The following IBSP variants were observed in gnomAD, a reference collection of about 807,000 sequenced individuals.
IBSP encodes the protein integrin binding sialoprotein, also known as integrin-binding sialoprotein.
In IBSP, 19 loss-of-function variants were observed where a neutral mutation model predicts 25.5. That is an observed-to-expected ratio of 0.74 (90% CI 0.52 to 1.09). The LOEUF is 1.09. Among genes scored for constraint, IBSP ranks in the 50% least tolerant of loss-of-function variants. The pLI is 0.00. For missense variants in IBSP, 360 were observed against 382.3 expected, an observed-to-expected ratio of 0.94 and a Z score of 0.49; for synonymous variants, 144 against 137.6, an observed-to-expected ratio of 1.05 and a Z score of -0.33.
At position 87,811,563 on chromosome 4, in the gene IBSP, G is replaced by A; in HGVS notation, c.607G>A (p.Glu203Lys). The A allele has an allele frequency of 6.2e-7, 1 of 1,613,392 alleles. No individual in the cohort carries two copies. Among genetic ancestry groups the A allele is most frequent in the Non-Finnish European group, 8.5e-7 (1 of 1,179,606 alleles). The change falls in exon 7 of 7, where the codon GAA becomes AAA. Residue 203 changes from glutamate (E) to lysine (K), a missense_variant. Transcript: ENST00000226284. The part of the protein sequence containing the change: ...SGGDNGEEGE[E>K]ESVTGANAED... ...AGGAGACAATGGAGAAGAAGGGGAA[G>A]AAGAAAGTGTCACTGGAGCCAATGC... is the stretch of plus-strand genomic sequence containing the variant.
intron 5 of IBSP, among the ~76,000 whole-genome samples, chr4:87,808,646 C>A (rs1722125982): frequency 6.6e-6 from 1 of 152,102 alleles, no homozygotes; most frequent in Non-Finnish European, 1.5e-5. Flanking sequence ...CAAAGGCAAG[C>A]AGTATTTTGA....
At chr4:87,802,187 G>A (rs892706797) in intron 1 of IBSP, among the ~76,000 whole-genome samples, 161 bp from the exon 2 acceptor site, 1 of 151,998 alleles carries the variant, frequency 6.6e-6, no homozygotes, top group African/African-American at 2.4e-5. Context: ...TTAAATGGAA[G>A]GAATAATTTG....
chr4:87,810,612 TCAAATG>T lies in IBSP; in HGVS notation c.254_259del (p.Ser85_Glu87delinsTer), dbSNP rs774935757. 2 of 1,610,218 alleles carry T rather than the reference TCAAATG, an allele frequency of 1.2e-6. No individual in the cohort carries two copies. Among genetic ancestry groups the T allele is most frequent in the Non-Finnish European group, 1.7e-6 (2 of 1,176,790 alleles). ...CTATGAATATTTTTAACAGGAGACT[TCAAATG>T]AAGGAGAAAACAATGAAGAATCGAA... On this transcript the variant is annotated stop_gained and inframe_deletion, in exon 6 of 7. Transcript: ENST00000226284. LOFTEE classifies it high-confidence loss of function.
At position 87,811,727 on chromosome 4, in the gene IBSP, T is replaced by C; in HGVS notation, c.771T>C (p.Val257=). The C allele has an allele frequency of 6.2e-7, 1 of 1,614,022 alleles. No individual in the cohort carries two copies. Among genetic ancestry groups the C allele is most frequent in the South Asian group, 1.1e-5 (1 of 91,066 alleles). Residue 257 remains valine (V), a synonymous_variant, in exon 7 of 7, where the codon GTT becomes GTC. Coordinates refer to ENST00000226284, the MANE Select transcript of IBSP (RefSeq NM_004967.4). ...TSPPFGKTTT[V]EYEGEYEYTG... is the part of the protein sequence containing the mutation. ...CACCTTTTGGGAAAACCACCACCGT[T>C]GAATACGAGGGGGAGTACGAATACA...
chr4:87,810,856 A>G, intron 6 of IBSP, 92 bp downstream of exon 6: 1 of 1,103,232 alleles, frequency 9.1e-7, no homozygotes, highest in South Asian at 1.5e-5. Context: ...ACTGGAGTCT[A>G]AGGGTATCCT....
At chr4:87,807,577 G>T (rs940997667) in intron 5 of IBSP, among the ~76,000 whole-genome samples, 2 of 152,140 alleles carry the variant, frequency 1.3e-5, no homozygotes, top group Non-Finnish European at 2.9e-5. Context: ...ATAGCTATTT[G>T]CTGTACAGTG....
At chr4:87,801,976 A>G (rs987181822) in intron 1 of IBSP, among the ~76,000 whole-genome samples, 2 of 152,182 alleles carry the variant, frequency 1.3e-5, no homozygotes, top group Non-Finnish European at 2.9e-5. Flanking sequence ...GCACACAACT[A>G]CACTAACAAT....
intron 5 of IBSP, among the ~76,000 whole-genome samples, chr4:87,806,440 A>T (rs181036513): frequency 6.6e-6 from 1 of 151,010 alleles, no homozygotes; most frequent in East Asian, 1.9e-4. Flanking sequence ...TTTTAAGTAG[A>T]AGTAGTATAA....
intron 1 of IBSP, among the ~76,000 whole-genome samples, chr4:87,800,602 C>T (rs1721999555): frequency 6.6e-6 from 1 of 152,076 alleles, no homozygotes; most frequent in African/African-American, 2.4e-5. Flanking sequence ...AGGAGCAAAG[C>T]CTGTTTATTC....
At chr4:87,807,322 C>T (rs1722102873) in intron 5 of IBSP, among the ~76,000 whole-genome samples, 1 of 152,236 alleles carries the variant, frequency 6.6e-6, no homozygotes, top group African/African-American at 2.4e-5. Context: ...CATGTATTAA[C>T]AGCTGTCTTG....
chr4:87,804,865 C>T (rs1289867168), intron 4 of IBSP, among the ~76,000 whole-genome samples: 1 of 152,124 alleles, frequency 6.6e-6, no homozygotes, highest in South Asian at 2.1e-4. Context: ...GATTGAAATA[C>T]CCCCACTGAG....
chr4:87,803,417 T>C (rs1722049026), intron 4 of IBSP, among the ~76,000 whole-genome samples: 1 of 152,120 alleles, frequency 6.6e-6, no homozygotes, highest in African/African-American at 2.4e-5. Flanking sequence ...AATAAGAGTT[T>C]CCAATTTTGC....
chr4:87,809,972 C>A (rs962932139), intron 5 of IBSP, among the ~76,000 whole-genome samples: 1 of 152,168 alleles, frequency 6.6e-6, no homozygotes, highest in Non-Finnish European at 1.5e-5. Context: ...TGGCTCATGC[C>A]TGTAATCCCA....
At chr4:87,805,082 T>C (rs536391801) in intron 4 of IBSP, among the ~76,000 whole-genome samples, 118 of 152,236 alleles carry the variant, frequency 7.8e-4, no homozygotes, top group African/African-American at 2.6e-3. Context: ...TCCCTTTCCT[T>C]GGGTGGATGA....
chr4:87,800,106 C>T (rs1721993308), intron 1 of IBSP, among the ~76,000 whole-genome samples: 1 of 152,102 alleles, frequency 6.6e-6, no homozygotes, highest in South Asian at 2.1e-4. Context: ...ATATATTGTA[C>T]TAACTAGAGA....
intron 5 of IBSP, among the ~76,000 whole-genome samples, chr4:87,807,038 A>G (rs1190132601): frequency 4.6e-5 from 7 of 151,996 alleles, no homozygotes; most frequent in Non-Finnish European, 8.8e-5. Flanking sequence ...AAAAAAAATC[A>G]TACGTCTTTT....
At chr4:87,809,562 G>A (rs1015884934) in intron 5 of IBSP, among the ~76,000 whole-genome samples, 1 of 152,108 alleles carries the variant, frequency 6.6e-6, no homozygotes, top group African/African-American at 2.4e-5. Flanking sequence ...AATTAGCTTG[G>A]AGACTGTTTG....
In IBSP at chr4:87,812,312, T is replaced by C. The variant is rs1466008451; in HGVS notation, c.*402T>C. Reference sequence around the variant, plus strand: ...ACACTGTATACAATAAATGTGTAGTTTCTTAATCGCACTACCTATGCAACA... The same window carrying C: ...ACACTGTATACAATAAATGTGTAGTCTCTTAATCGCACTACCTATGCAACA... On this transcript the variant is annotated 3_prime_UTR_variant, in exon 7 of 7. Transcript: ENST00000226284. 1 of 163,396 alleles carries C rather than the reference T, an allele frequency of 6.1e-6. No individual in the cohort carries two copies. Among genetic ancestry groups the C allele is most frequent in the Non-Finnish European group, 1.3e-5 (1 of 76,136 alleles). 10.1% of individuals were successfully genotyped at this position (163,396 alleles called of 1,614,324 possible).
intron 1 of IBSP, among the ~76,000 whole-genome samples, chr4:87,801,407 T>C (rs1330733151): frequency 6.6e-6 from 1 of 151,928 alleles, no homozygotes; most frequent in Non-Finnish European, 1.5e-5. Flanking sequence ...GCGTGCTACA[T>C]GATGTCAGTG....
Sources: gnomAD v4.1 joint callset for allele counts (sites outside exome capture counted in the v4.1 genomes callset) on GRCh38, gnomAD v4.1.1 for gene constraint, MANE v1.5 for transcripts, NCBI Gene and HGNC (gene_info 2026-07-23, HGNC 2026-07-21) for gene names.